SORCS1: variants seen among roughly 807,000 people sequenced by gnomAD.
SORCS1 encodes VPS10 domain-containing receptor SorCS1.
A neutral mutation model predicts 146.1 loss-of-function variants in SORCS1; 60 were observed. The observed-to-expected ratio is 0.41, with a 90% CI of 0.33 to 0.51. The LOEUF (loss-of-function observed/expected upper bound fraction) is 0.51, where lower values mean the gene tolerates loss of function less well. Ranked by LOEUF, SORCS1 falls within the 20% of genes least tolerant of loss-of-function variation. SORCS1 has a pLI of 0.21. For missense variants in SORCS1, 1,352 were observed against 1,487.6 expected, an observed-to-expected ratio of 0.91 and a Z score of 1.50; for synonymous variants, 637 against 584.0, an observed-to-expected ratio of 1.09 and a Z score of -1.31.
chr10:106,887,734 C>T (rs1233488750), intron 2 of SORCS1, among the ~76,000 whole-genome samples: 1 of 152,056 alleles, frequency 6.6e-6, no homozygotes, highest in Non-Finnish European at 1.5e-5. Context: ...TTAAAAGGAT[C>T]TAGTATTGAA....
At chr10:106,631,668 AT>A (rs1341222586) in intron 18 of SORCS1, among the ~76,000 whole-genome samples, 1 of 152,188 alleles carries the variant, frequency 6.6e-6, no homozygotes, top group East Asian at 1.9e-4. Context: ...AGGGGCCATC[AT>A]TTGCTAAAGG....
rs551168319 is a variant in SORCS1 at position 106,779,698 on chromosome 10, G to C, written c.727-3006C>G. Among the ~76,000 whole-genome samples the C allele has an allele frequency of 1.2e-4, 18 of 152,084 alleles. No homozygotes were observed. The South Asian group carries it at 3.1e-3, about 26-fold the overall frequency. On this transcript the variant is annotated intron_variant, in intron 3 of 25. Coordinates refer to ENST00000263054, the MANE Select transcript of SORCS1 (RefSeq NM_052918.5). ...GAGATGGGGTTCGCCATGTTGGCTAGGCTGGTCTCGAACCCCTGACCTCAG... is the reference window on the plus strand; with the variant it reads ...GAGATGGGGTTCGCCATGTTGGCTACGCTGGTCTCGAACCCCTGACCTCAG...
upstream of SORCS1, among the ~76,000 whole-genome samples, chr10:107,166,735 A>G (rs765230490): frequency 6.6e-6 from 1 of 152,214 alleles, no homozygotes; most frequent in Non-Finnish European, 1.5e-5. Context: ...CCTCCTTTCC[A>G]GTCTGGATAA....
chr10:106,659,853 G>C (rs1850591197), intron 17 of SORCS1, among the ~76,000 whole-genome samples: 1 of 152,138 alleles, frequency 6.6e-6, no homozygotes, highest in Non-Finnish European at 1.5e-5. Flanking sequence ...TGCATGAAAA[G>C]ATGGAAAACC....
upstream of SORCS1, among the ~76,000 whole-genome samples, chr10:107,166,105 A>C (rs1287236016): frequency 6.6e-6 from 1 of 152,216 alleles, no homozygotes; most frequent in South Asian, 2.1e-4. Flanking sequence ...TCTTAGGTAC[A>C]TGTTATTACA....
chr10:107,006,151 T>C (rs1157677863), intron 1 of SORCS1, among the ~76,000 whole-genome samples: 11 of 152,248 alleles, frequency 7.2e-5, no homozygotes, highest in Middle Eastern at 3.2e-3. Context: ...TACATACTTA[T>C]TGACACCTTA....
chr10:106,945,540 T>A (rs1196872441), intron 2 of SORCS1, among the ~76,000 whole-genome samples: 1 of 152,232 alleles, frequency 6.6e-6, no homozygotes, highest in East Asian at 1.9e-4. Context: ...ACTTCACAGA[T>A]GTAGAATTTT....
intron 5 of SORCS1, among the ~76,000 whole-genome samples, chr10:106,752,026 T>A (rs916060305): frequency 6.6e-6 from 1 of 152,192 alleles, no homozygotes; most frequent in African/African-American, 2.4e-5. Context: ...ATATGTCATT[T>A]TTAATGCTAA....
intron 1 of SORCS1, among the ~76,000 whole-genome samples, chr10:107,075,004 C>G (rs2134203263): frequency 6.6e-6 from 1 of 152,174 alleles, no homozygotes; most frequent in Non-Finnish European, 1.5e-5. Flanking sequence ...ATATTCAAGG[C>G]ACATCTATCC....
chr10:106,652,583 C>A (rs1432592875), intron 17 of SORCS1, 30 bp from the exon 18 acceptor site: 1 of 1,606,190 alleles, frequency 6.2e-7, no homozygotes, highest in African/African-American at 1.3e-5. Context: ...AGTCGTAAAC[C>A]AGCTCATTAT....
intron 1 of SORCS1, among the ~76,000 whole-genome samples, chr10:107,034,680 CAAAAAAAAAAAA>C (rs553032484): frequency 2.2e-4 from 3 of 13,800 alleles, no homozygotes; most frequent in African/African-American, 2.7e-4. Flanking sequence ...AACTCCATCT[CAAAAAAAAAAAA>C]AAAAAAAAAA....
At chr10:106,664,090 A>G (rs916038217) in intron 17 of SORCS1, among the ~76,000 whole-genome samples, 6 of 152,230 alleles carry the variant, frequency 3.9e-5, no homozygotes, top group African/African-American at 1.4e-4. Context: ...TTGGGGTCAG[A>G]TGCTATCGTG....
chr10:106,894,071 C>T (rs1951350001), intron 2 of SORCS1, among the ~76,000 whole-genome samples: 1 of 152,094 alleles, frequency 6.6e-6, no homozygotes, highest in African/African-American at 2.4e-5. Context: ...AAATTCAATT[C>T]CTTTTCTCTC....
chr10:106,870,769 T>C (rs1051500320), intron 2 of SORCS1, among the ~76,000 whole-genome samples: 1 of 152,112 alleles, frequency 6.6e-6, no homozygotes, highest in Admixed American at 6.6e-5. Context: ...ATCCTAGACA[T>C]AGGAACAGGC....
At chr10:106,713,351 A>G (rs1375928753) in intron 6 of SORCS1, among the ~76,000 whole-genome samples, 1 of 152,222 alleles carries the variant, frequency 6.6e-6, no homozygotes, top group Admixed American at 6.5e-5. Context: ...TACAATTTCC[A>G]ACTAGAATTT....
intron 1 of SORCS1, among the ~76,000 whole-genome samples, chr10:107,071,372 C>A (rs541530246): frequency 6.6e-6 from 1 of 152,210 alleles, no homozygotes; most frequent in African/African-American, 2.4e-5. Flanking sequence ...AAAAAGAAAA[C>A]TTCTCCTTTG....
intron 2 of SORCS1, among the ~76,000 whole-genome samples, chr10:106,916,044 A>G (rs58941607): frequency 0.01 from 1,563 of 152,080 alleles, 26 homozygotes; most frequent in African/African-American, 0.034. Context: ...ATGTCTACAC[A>G]CCTCTTGCTC....
chr10:106,939,404 C>A (rs1953919031), intron 2 of SORCS1, among the ~76,000 whole-genome samples: 1 of 152,088 alleles, frequency 6.6e-6, no homozygotes, highest in South Asian at 2.1e-4. Context: ...ACTGGTCTGA[C>A]TCAATGTTCT....
intron 1 of SORCS1, among the ~76,000 whole-genome samples, chr10:107,003,429 AGTGTGTGTGTGTGT>A (rs59467041): frequency 1.5e-3 from 210 of 140,530 alleles, no homozygotes; most frequent in African/African-American, 4.0e-3. Flanking sequence ...AATTCCCATA[AGTGTGTGTGTGTGT>A]GTGTGTGTGT....
Sources: allele counts gnomAD v4.1 joint callset (sites outside exome capture counted in the v4.1 genomes callset), GRCh38; gene constraint gnomAD v4.1.1; transcripts MANE v1.5; gene names NCBI Gene and HGNC (gene_info 2026-07-23, HGNC 2026-07-21).